FOXJ2: variants seen among roughly 807,000 people sequenced by gnomAD.
FOXJ2 encodes the protein forkhead box protein J2.
A neutral mutation model predicts 68.4 loss-of-function variants in FOXJ2; 18 were observed. The ratio of observed to expected loss-of-function variants is 0.26; its 90% confidence interval spans 0.18 to 0.39. The LOEUF (loss-of-function observed/expected upper bound fraction) is 0.39, where lower values mean the gene tolerates loss of function less well. FOXJ2 is among the 10% of genes least tolerant of loss of function. The probability of loss-of-function intolerance (pLI) is 1.00; values close to 1 mark genes in which losing one functional copy is unlikely to be tolerated. For missense variants in FOXJ2, 670 were observed against 726.5 expected, an observed-to-expected ratio of 0.92 and a Z score of 0.89; for synonymous variants, 274 against 263.2, an observed-to-expected ratio of 1.04 and a Z score of -0.40.
chr12:8,043,948 C>T lies in FOXJ2; in HGVS notation c.478-3C>T, dbSNP rs745710888. The T allele has an allele frequency of 9.7e-6, 15 of 1,554,008 alleles. No homozygotes were observed. Among genetic ancestry groups the T allele is most frequent in the Non-Finnish European group, 1.2e-5 (14 of 1,153,764 alleles). On this transcript the variant is annotated splice_region_variant and splice_polypyrimidine_tract_variant and intron_variant, in intron 4 of 10. Transcript: ENST00000162391. ...TAGATTTCTTTTTTTTCACAACCCT[C>T]AGCTGTCCCAAGACTCACCAGAACA...
At chr12:8,042,117 A>C (rs1038629240) in intron 2 of FOXJ2, among the ~76,000 whole-genome samples, 1 of 152,148 alleles carries the variant, frequency 6.6e-6, no homozygotes, top group Admixed American at 6.5e-5. Context: ...ACCTCAGGTG[A>C]TCAGCCCACC....
At chr12:8,039,718 T>C (rs1946939631) in intron 1 of FOXJ2, 101 bp from the exon 2 acceptor site, 2 of 1,016,560 alleles carry the variant, frequency 2.0e-6, no homozygotes, top group Non-Finnish European at 2.9e-6. Flanking sequence ...ATGGGTGTCT[T>C]ATGGGAATGA....
At chr12:8,036,794 A>C (rs1169134538) in intron 1 of FOXJ2, among the ~76,000 whole-genome samples, 1 of 152,212 alleles carries the variant, frequency 6.6e-6, no homozygotes, top group Non-Finnish European at 1.5e-5. Context: ...TGAGGCATCA[A>C]GACTTCACTG....
rs1241787546 is a variant in FOXJ2 at position 8,047,838 on chromosome 12, A to C, written c.818-44A>C. On this transcript the variant is annotated intron_variant, in intron 6 of 10. Coordinates refer to ENST00000162391, the MANE Select transcript of FOXJ2 (RefSeq NM_018416.3). ...CCAGGGAAAATCCCATTTTGTGAAA[A>C]ATGCATTGCTTAAGTCACTTGCCTG... 4 of 1,526,928 alleles carry C rather than the reference A, an allele frequency of 2.6e-6. No individual in the cohort carries two copies. The African/African-American group carries it at 5.5e-5, about 21-fold the overall frequency. 94.6% of individuals were successfully genotyped at this position (1,526,928 alleles called of 1,614,324 possible). A position where few individuals can be genotyped will look rare whatever the true frequency, so the allele number is the denominator to read the frequency against.
intron 8 of FOXJ2, 109 bp from the exon 9 acceptor site, chr12:8,049,253 T>C: frequency 2.5e-6 from 2 of 795,316 alleles, no homozygotes; most frequent in Non-Finnish European, 4.1e-6. Flanking sequence ...TTAGTGCCCG[T>C]TATCAGTGGG....
chr12:8,042,790 C>A, intron 3 of FOXJ2, 58 bp downstream of exon 3: 1 of 1,369,726 alleles, frequency 7.3e-7, no homozygotes, highest in Non-Finnish European at 1.0e-6. Flanking sequence ...AAGTAGTTGA[C>A]AGTCCAGAGT....
intron 1 of FOXJ2, among the ~76,000 whole-genome samples, chr12:8,034,496 G>A (rs914011588): frequency 6.6e-6 from 1 of 152,210 alleles, no homozygotes; most frequent in African/African-American, 2.4e-5. Context: ...CGAGAAGAAA[G>A]TGTGCAGGGG....
At position 8,044,830 on chromosome 12, in the gene FOXJ2, C is replaced by G; in HGVS notation, c.689C>G (p.Pro230Arg). Reference sequence around the variant, plus strand: ...GGCCGAGAAAGTGCTGAGGGTCCCCCTCCCCTCTATAACACCAACCATGAC... The same window carrying G: ...GGCCGAGAAAGTGCTGAGGGTCCCCGTCCCCTCTATAACACCAACCATGAC... ...ASGRESAEGP[P>R]PLYNTNHDFK... The change falls in exon 6 of 11, where the codon CCT becomes CGT. Residue 230 changes from proline (P) to arginine (R), a missense_variant. This residue lies in a region of FOXJ2 where 555 missense variants were observed against 562.2 expected (regional missense o/e 0.99). Transcript: ENST00000162391. The G allele has an allele frequency of 6.2e-7, 1 of 1,613,986 alleles. No homozygotes were observed.
At chr12:8,052,628 A>T in intron 10 of FOXJ2, 134 bp from the exon 11 acceptor site, 1 of 655,802 alleles carries the variant, frequency 1.5e-6, no homozygotes, top group Non-Finnish European at 2.6e-6. Flanking sequence ...ACCAAAATTA[A>T]CTCCAGCTGA....
In FOXJ2 at chr12:8,054,163, G is replaced by C. The variant is rs1275881102; in HGVS notation, c.*1313G>C. The C allele has an allele frequency of 1.3e-5, 2 of 152,218 alleles. No individual in the cohort carries two copies. The highest frequency in any genetic ancestry group is 4.8e-5 in the African/African-American group (2 of 41,450). The allele number at this position is 152,218 out of a possible 1,614,324, so 9.4% of individuals were successfully genotyped here. ...CTTTGAGGGGTGAAGGAGATTGGTG[G>C]AGGAGAGTAAATAATCTAGAGGCAA... is the stretch of plus-strand genomic sequence containing the variant. On this transcript the variant is annotated 3_prime_UTR_variant, in exon 11 of 11. Coordinates refer to ENST00000162391, the MANE Select transcript of FOXJ2 (RefSeq NM_018416.3).
intron 5 of FOXJ2, among the ~76,000 whole-genome samples, chr12:8,044,349 C>T (rs1181198186): frequency 1.3e-5 from 2 of 152,084 alleles, no homozygotes; most frequent in Non-Finnish European, 2.9e-5. Flanking sequence ...TCGAGGCAGG[C>T]GGATCACGTG....
At chr12:8,034,223 A>G (rs1379750000) in intron 1 of FOXJ2, among the ~76,000 whole-genome samples, 1 of 152,160 alleles carries the variant, frequency 6.6e-6, no homozygotes, top group East Asian at 1.9e-4. Context: ...TTTCCCCTGG[A>G]GAGTGGGCTG....
chr12:8,047,859 G>C, intron 6 of FOXJ2, 23 bp from the exon 7 acceptor site: 1 of 1,551,320 alleles, frequency 6.4e-7, no homozygotes, highest in Non-Finnish European at 8.7e-7. Context: ...TAAGTCACTT[G>C]CCTGCTTCCT....
Position 8,040,052 on chromosome 12 carries a change from C to G in FOXJ2, c.220C>G (p.Leu74Val). ...DGKPRYSYAT[L>V]ITYAINSSPA... The stretch of plus-strand genomic sequence containing the variant: ...CAAGCCACGATACAGCTATGCCACT[C>G]TCATCACCTATGCCATCAACTCCTC... Residue 74 changes from leucine to valine, a missense_variant, in exon 2 of 11, where the codon CTC becomes GTC. Transcript: ENST00000162391. The surrounding 1 kb of genome is among the most constrained non-coding windows in gnomAD (Gnocchi z 4.0). The G allele has an allele frequency of 1.9e-6, 3 of 1,614,162 alleles. No individual in the cohort carries two copies. Among genetic ancestry groups the G allele is most frequent in the Non-Finnish European group, 2.5e-6 (3 of 1,180,030 alleles).
chr12:8,041,921 A>G (rs1946971412), intron 2 of FOXJ2, among the ~76,000 whole-genome samples: 1 of 150,304 alleles, frequency 6.7e-6, no homozygotes, highest in Non-Finnish European at 1.5e-5. Flanking sequence ...CTTGTTCACT[A>G]GGCTGGAGTG....
rs763956521 is a variant in FOXJ2, at chr12:8,040,122, G to A, written c.290G>A (p.Cys97Tyr). The A allele has an allele frequency of 1.9e-6, 3 of 1,614,166 alleles. No individual in the cohort carries two copies. The highest frequency in any genetic ancestry group is 2.5e-6 in the Non-Finnish European group (3 of 1,180,032). Residue 97 changes from cysteine to tyrosine, a missense_variant, in exon 2 of 11, where the codon TGT (cysteine) becomes TAT (tyrosine). By Grantham distance (194) the Cys-to-Tyr change is radical. Around this residue, in one of 2 missense-constraint regions of FOXJ2, gnomAD observed 115 missense variants for 164.3 expected, o/e 0.70. Coordinates refer to ENST00000162391, the MANE Select transcript of FOXJ2 (RefSeq NM_018416.3). This position sits in a 1 kb window ranked among gnomAD's most constrained non-coding sequence, Gnocchi z 4.0. ...CTCAGCGAGATTTACCGCTGGATCT[G>A]TGATAACTTCCCCTATTACAAGAAT... is the stretch of plus-strand genomic sequence containing the variant. ...MTLSEIYRWI[C>Y]DNFPYYKNAG...
At chr12:8,050,714 C>G in intron 10 of FOXJ2, 94 bp downstream of exon 10, 3 of 1,372,310 alleles carry the variant, frequency 2.2e-6, no homozygotes, top group Non-Finnish European at 3.1e-6. Context: ...GCATTTTTGC[C>G]TGCATCTCGC....
intron 10 of FOXJ2, among the ~76,000 whole-genome samples, chr12:8,050,878 C>T (rs1384807256): frequency 1.0e-5 from 1 of 98,214 alleles, no homozygotes; most frequent in African/African-American, 3.8e-5. Flanking sequence ...CCTTCCCTTC[C>T]CCTTCCCTTC....
At chr12:8,052,681 G>A in intron 10 of FOXJ2, 81 bp from the exon 11 acceptor site, 1 of 1,214,304 alleles carries the variant, frequency 8.2e-7, no homozygotes, top group Non-Finnish European at 1.2e-6. Flanking sequence ...GGTGTTATCT[G>A]GGGCTGAGCA....
Sources: allele counts gnomAD v4.1 joint callset (sites outside exome capture counted in the v4.1 genomes callset), GRCh38; gene constraint gnomAD v4.1.1; regional missense constraint gnomAD v4.1.1; non-coding constraint Gnocchi (gnomAD v3.1); transcripts MANE v1.5; gene names NCBI Gene and HGNC (gene_info 2026-07-23, HGNC 2026-07-21).